Variants in ARID3A observed in about 807,000 individuals in gnomAD.
The protein encoded by ARID3A is AT-rich interaction domain 3A, also known as AT-rich interactive domain-containing protein 3A.
A neutral mutation model predicts 52.7 loss-of-function variants in ARID3A; 11 were observed. The observed-to-expected ratio is 0.21, with a 90% confidence interval of 0.13 to 0.35. The LOEUF is 0.35. Among genes scored for constraint, ARID3A ranks in the 10% least tolerant of loss-of-function variants. The probability of loss-of-function intolerance (pLI) is 1.00; values close to 1 mark genes in which losing one functional copy is unlikely to be tolerated. For missense variants in ARID3A, 721 were observed against 838.5 expected (o/e 0.86, Z 1.73); for synonymous variants, 404 against 359.4 (o/e 1.12, Z -1.40).
intron 1 of ARID3A, among the ~76,000 whole-genome samples, chr19:926,780 A>C (rs942629005): frequency 6.6e-6 from 1 of 151,512 alleles, no homozygotes; most frequent in Non-Finnish European, 1.5e-5. Flanking sequence ...AAGCGGGCGC[A>C]GGAAGCGCTG....
intron 6 of ARID3A, 61 bp from the exon 7 acceptor site, chr19:966,511 C>A: frequency 7.2e-7 from 1 of 1,387,564 alleles, no homozygotes; most frequent in Non-Finnish European, 9.8e-7. Context: ...ATGTTCCTGC[C>A]TTGAGTGGAA....
Position 944,172 on chromosome 19 carries a change from G to A in ARID3A, c.693+11430G>A, listed in dbSNP as rs773000531. 2.8e-4 allele frequency among the ~76,000 whole-genome samples: 42 copies of A among 152,180 alleles called. No individual in the cohort carries two copies. The highest frequency in any genetic ancestry group is 2.1e-4 in the Non-Finnish European group (14 of 68,042). On this transcript the variant is annotated intron_variant, in intron 3 of 8. Coordinates refer to ENST00000263620, the MANE Select transcript of ARID3A (RefSeq NM_005224.3). This position sits in a 1 kb window ranked among gnomAD's most constrained non-coding sequence, Gnocchi z 5.9. The stretch of plus-strand genomic sequence containing the variant: ...ACCTGCTGTATGCCAGCCTGCCTGC[G>A]TACTGGGGACACAGCCGTGCATGAA...
intron 3 of ARID3A, among the ~76,000 whole-genome samples, chr19:954,699 C>A (rs907707572): frequency 6.6e-6 from 1 of 152,074 alleles, no homozygotes; most frequent in Non-Finnish European, 1.5e-5. Flanking sequence ...TGATATCGGT[C>A]CTGGGAGGAC....
chr19:939,554 C>T (rs1416440102), intron 3 of ARID3A, among the ~76,000 whole-genome samples: 1 of 152,206 alleles, frequency 6.6e-6, no homozygotes, highest in Non-Finnish European at 1.5e-5. Flanking sequence ...AGGCCTTTCT[C>T]TGCCCACTCA....
In ARID3A at chr19:926,065, T is replaced by C. The variant is rs1321339304; in HGVS notation, c.-268+6T>C. 1 of 135,382 alleles carries C rather than the reference T, an allele frequency of 7.4e-6. No homozygotes were observed. Among genetic ancestry groups the C allele is most frequent in the African/African-American group, 2.7e-5 (1 of 36,466 alleles). 8.4% of individuals were successfully genotyped at this position (135,382 alleles called of 1,614,324 possible). On this transcript the variant is annotated splice_donor_region_variant and intron_variant, in intron 1 of 8. Transcript: ENST00000263620. The stretch of plus-strand genomic sequence containing the variant: ...CGGACGCGGCTGGCGGCTCGGTGAG[T>C]CGGCGCGCGGCACAGCCCCGTGGGT...
intron 6 of ARID3A, among the ~76,000 whole-genome samples, chr19:966,034 G>A (rs906324488): frequency 2.7e-5 from 4 of 150,238 alleles, no homozygotes; most frequent in South Asian, 2.1e-4. Context: ...GGTGGTGGGC[G>A]CCTGTAATCC....
intron 3 of ARID3A, among the ~76,000 whole-genome samples, chr19:946,854 T>C (rs1219413619): frequency 6.6e-6 from 1 of 151,894 alleles, no homozygotes; most frequent in Non-Finnish European, 1.5e-5. Context: ...AGTGCAGTGA[T>C]GTCATCTCGG....
chr19:943,554 C>T (rs923506378), intron 3 of ARID3A, among the ~76,000 whole-genome samples: 30 of 151,202 alleles, frequency 2.0e-4, no homozygotes, highest in African/African-American at 6.8e-4. Flanking sequence ...GGTGACAGAG[C>T]GAGACTCTGT....
At chr19:965,995 A>C (rs1324906345) in intron 6 of ARID3A, among the ~76,000 whole-genome samples, 1 of 146,470 alleles carries the variant, frequency 6.8e-6, no homozygotes, top group South Asian at 2.1e-4. Flanking sequence ...CCGTGTCAAA[A>C]AAAAAAAAAA....
chr19:966,295 A>G (rs2038151404), intron 6 of ARID3A, among the ~76,000 whole-genome samples: 2 of 151,940 alleles, frequency 1.3e-5, no homozygotes, highest in Non-Finnish European at 2.9e-5. Flanking sequence ...CCCCGTCTCT[A>G]CTAAAAATAC....
intron 6 of ARID3A, 42 bp from the exon 7 acceptor site, chr19:966,530 C>T: frequency 6.7e-7 from 1 of 1,488,020 alleles, no homozygotes; most frequent in Non-Finnish European, 9.0e-7. Flanking sequence ...AAGGCAGGGC[C>T]CAGCCCCTCC....
chr19:956,783 A>C (rs1299096694), intron 3 of ARID3A: 1 of 152,458 alleles, frequency 6.6e-6, no homozygotes, highest in Non-Finnish European at 1.5e-5. Context: ...GGCCTCCAAT[A>C]CACAGACGGG....
In ARID3A at chr19:966,555, C is replaced by T. The variant is rs113303743; in HGVS notation, c.1199-17C>T. Reference sequence around the variant, plus strand: ...CCAGCCCCTCCTGGCCACCAATTCCCCTTTTTTCCTACCTAGAGGAGGACT... The same window carrying T: ...CCAGCCCCTCCTGGCCACCAATTCCTCTTTTTTCCTACCTAGAGGAGGACT... On this transcript the variant is annotated splice_polypyrimidine_tract_variant and intron_variant, in intron 6 of 8. Transcript: ENST00000263620. 16 of 1,513,242 alleles carry T rather than the reference C, an allele frequency of 1.1e-5. No homozygotes were observed. In the African/African-American group the frequency reaches 1.7e-4, roughly 16 times the overall value. The allele number at this position is 1,513,242 out of a possible 1,614,324, so 93.7% of individuals were successfully genotyped here.
At chr19:940,699 C>T (rs1232650862) in intron 3 of ARID3A, among the ~76,000 whole-genome samples, 7 of 152,184 alleles carry the variant, frequency 4.6e-5, no homozygotes, top group Non-Finnish European at 8.8e-5. Context: ...GTGTTTGAGA[C>T]AGAGTGTGTT....
Position 964,159 on chromosome 19 carries a change from C to A in ARID3A, c.767-89C>A, listed in dbSNP as rs1169640512. 3.6e-6 allele frequency: 4 copies of A among 1,121,852 alleles called. No individual in the cohort carries two copies. The East Asian group carries it at 9.9e-5, about 28-fold the overall frequency. The allele number at this position is 1,121,852 out of a possible 1,614,324, so 69.5% of individuals were successfully genotyped here. A position where few individuals can be genotyped will look rare whatever the true frequency, so the allele number is the denominator to read the frequency against. On this transcript the variant is annotated intron_variant, in intron 4 of 8. Transcript: ENST00000263620. This position sits in a 1 kb window ranked among gnomAD's most constrained non-coding sequence, Gnocchi z 5.7. The stretch of plus-strand genomic sequence containing the variant: ...TTGTCACAGCCTGGGCGGGGGAGTG[C>A]TCCTGGCATGGAGAGGGCGGAGGCC...
chr19:953,899 C>T (rs569449190), intron 3 of ARID3A, among the ~76,000 whole-genome samples: 42 of 152,268 alleles, frequency 2.8e-4, no homozygotes, highest in Non-Finnish European at 4.0e-4. Flanking sequence ...TATAGCAAGA[C>T]CTTGTCTCTA....
rs1385004443 is a variant in ARID3A, at chr19:947,920, G to A, written c.694-12172G>A. Reference sequence around the variant, plus strand: ...CCGCCGAGGCCTGGCTGTGCTGACGGGAATTGAAAGGACCTCGTGGCTTAG... The same window carrying A: ...CCGCCGAGGCCTGGCTGTGCTGACGAGAATTGAAAGGACCTCGTGGCTTAG... On this transcript the variant is annotated intron_variant, in intron 3 of 8. Coordinates refer to ENST00000263620, the MANE Select transcript of ARID3A (RefSeq NM_005224.3). This position sits in a 1 kb window ranked among gnomAD's most constrained non-coding sequence, Gnocchi z 6.3. Among the ~76,000 whole-genome samples, 1 of 152,212 alleles carries A rather than the reference G, an allele frequency of 6.6e-6. No individual in the cohort carries two copies. The highest frequency in any genetic ancestry group is 2.4e-5 in the African/African-American group (1 of 41,460).
chr19:971,116 C>T (rs1024013110), intron 8 of ARID3A, among the ~76,000 whole-genome samples: 2 of 152,200 alleles, frequency 1.3e-5, no homozygotes, highest in Non-Finnish European at 1.5e-5. Context: ...GGATTAAACA[C>T]ACGTGTGTGC....
At chr19:927,939 T>A (rs1488081321) in intron 1 of ARID3A, among the ~76,000 whole-genome samples, 1 of 151,450 alleles carries the variant, frequency 6.6e-6, no homozygotes, top group African/African-American at 2.4e-5. Context: ...GACTCAGGGG[T>A]CTGGGTAAAG....
Sources: gnomAD v4.1 joint callset for allele counts (sites outside exome capture counted in the v4.1 genomes callset) on GRCh38, gnomAD v4.1.1 for gene constraint, Gnocchi (gnomAD v3.1) non-coding constraint, MANE v1.5 for transcripts, NCBI Gene and HGNC (gene_info 2026-07-23, HGNC 2026-07-21) for gene names.